The following EMCN variants were observed in gnomAD, a reference collection of about 807,000 sequenced individuals.
EMCN encodes the protein MUC-14.
EMCN carries 37 observed loss-of-function variants against 38.4 expected under a neutral mutation model. The observed-to-expected ratio is 0.96, with a 90% CI of 0.74 to 1.27. The LOEUF is 1.27. EMCN is among the 50% of genes most tolerant of loss of function. The pLI is 0.00. For synonymous variants in EMCN, 95 were observed against 100.8 expected, an observed-to-expected ratio of 0.94 and a Z score of 0.35; for missense variants, 318 against 302.8, an observed-to-expected ratio of 1.05 and a Z score of -0.37.
intron 10 of EMCN, among the ~76,000 whole-genome samples, chr4:100,411,758 G>T (rs1726567359): frequency 1.3e-5 from 2 of 152,072 alleles, no homozygotes; most frequent in Non-Finnish European, 2.9e-5. Flanking sequence ...ATATTATAAG[G>T]CAGTAATATA....
chr4:100,410,355 C>T lies in EMCN; in HGVS notation c.752G>A (p.Gly251Asp). 4 of 1,613,628 alleles carry T rather than the reference C, an allele frequency of 2.5e-6. No individual in the cohort carries two copies. The South Asian group carries it at 3.3e-5, about 13-fold the overall frequency. ...GGTTTTTCCTTGTGCAGAGTGCTCA[C>T]CTGAGAACAGAAGATATGTTTTGAT... Reference protein sequence around the residue: ...LTVKTISHESGEHSAQGKTKN With the variant: ...LTVKTISHESDEHSAQGKTKN The change falls in exon 11 of 12, where the codon GGT (glycine) becomes GAT (aspartate). Residue 251 changes from glycine (G) to aspartate (D), a missense_variant and splice_region_variant. Transcript: ENST00000296420.
At chr4:100,514,236 A>C (rs6847450) in intron 1 of EMCN, among the ~76,000 whole-genome samples, 3,205 of 152,098 alleles carry the variant, frequency 0.021, 100 homozygotes, top group African/African-American at 0.073. Flanking sequence ...TTTTCTCACT[A>C]AACCGTCTCC....
At chr4:100,511,124 C>T (rs1207910042) in intron 1 of EMCN, among the ~76,000 whole-genome samples, 1 of 152,148 alleles carries the variant, frequency 6.6e-6, no homozygotes, top group East Asian at 1.9e-4. Context: ...TATCCTTATT[C>T]TTTTTCAGAA....
intron 4 of EMCN, among the ~76,000 whole-genome samples, chr4:100,448,738 C>T (rs1393831877): frequency 6.6e-6 from 1 of 152,124 alleles, no homozygotes; most frequent in Non-Finnish European, 1.5e-5. Context: ...TCGTTGTACT[C>T]CACCTCGTGG....
At chr4:100,410,170 A>G in intron 11 of EMCN, 112 bp downstream of exon 11, 1 of 801,994 alleles carries the variant, frequency 1.2e-6, no homozygotes, top group East Asian at 2.5e-5. Context: ...TTGCATTGAC[A>G]CAAACCATTA....
rs1243063472 is a variant in EMCN, at chr4:100,473,381, T to TG, written c.259+1656_259+1657insC. 5.6e-3 allele frequency among the ~76,000 whole-genome samples: 697 copies of TG among 123,734 alleles called. 26 individuals carry two copies. Among genetic ancestry groups the TG allele is most frequent in the Middle Eastern group, 0.026 (6 of 230 alleles). 81.2% of individuals were successfully genotyped at this position (123,734 alleles called of 152,430 possible). On this transcript the variant is annotated intron_variant, in intron 3 of 11. Transcript: ENST00000296420. ...CCGTTTCGTGTTTTTTTGTTTTTTT[T>TG]TTTTGTTTTTTTTTTTGCTAATGAC...
intron 1 of EMCN, 76 bp from the exon 2 acceptor site, chr4:100,480,115 G>A (rs1326421907): frequency 1.6e-6 from 2 of 1,264,652 alleles, no homozygotes; most frequent in East Asian, 2.6e-5. Flanking sequence ...TTAAACAAGT[G>A]TACTGGTCAG....
At chr4:100,400,035 A>C (rs573552434) in intron 11 of EMCN, among the ~76,000 whole-genome samples, 1 of 152,190 alleles carries the variant, frequency 6.6e-6, no homozygotes, top group African/African-American at 2.4e-5. Flanking sequence ...GCAATCCTTC[A>C]TGATTTATCT....
At chr4:100,486,261 A>G (rs1728938552) in intron 1 of EMCN, among the ~76,000 whole-genome samples, 1 of 152,196 alleles carries the variant, frequency 6.6e-6, no homozygotes, top group Admixed American at 6.5e-5. Context: ...ACTGAACACA[A>G]CAGGGAAAGA....
intron 2 of EMCN, among the ~76,000 whole-genome samples, chr4:100,478,822 G>A (rs1728729663): frequency 6.6e-6 from 1 of 152,002 alleles, no homozygotes; most frequent in Admixed American, 6.6e-5. Context: ...ATATTAAATG[G>A]GTAATATAAA....
chr4:100,475,197 C>T, intron 2 of EMCN, 88 bp from the exon 3 acceptor site: 1 of 583,856 alleles, frequency 1.7e-6, no homozygotes. Flanking sequence ...TATAGGTGGA[C>T]TGGCATTCTC....
intron 1 of EMCN, among the ~76,000 whole-genome samples, chr4:100,513,278 T>G (rs1381212307): frequency 1.3e-5 from 2 of 152,164 alleles, no homozygotes; most frequent in Non-Finnish European, 1.5e-5. Context: ...ATTGGTTTAG[T>G]CTTCCTACAA....
rs1477974406 is a variant in EMCN, at chr4:100,402,935, C to A, written c.*40-4562G>T. Among the ~76,000 whole-genome samples, 3 of 152,038 alleles carry A rather than the reference C, an allele frequency of 2.0e-5. No homozygotes were observed. The South Asian group carries it at 6.2e-4, about 31-fold the overall frequency. ...CAGCCCTTTACTAGCCACTGGGTTGCAAAGCAACCATAGCAAGTAGAAAGG... is the reference window on the plus strand; with the variant it reads ...CAGCCCTTTACTAGCCACTGGGTTGAAAAGCAACCATAGCAAGTAGAAAGG... On this transcript the variant is annotated intron_variant, in intron 11 of 11. Coordinates refer to ENST00000296420, the MANE Select transcript of EMCN (RefSeq NM_016242.4).
At chr4:100,407,734 G>T (rs1317863533) in intron 11 of EMCN, among the ~76,000 whole-genome samples, 1 of 151,984 alleles carries the variant, frequency 6.6e-6, no homozygotes, top group East Asian at 1.9e-4. Context: ...TATCTTGCTG[G>T]GGTTCTCTGA....
At chr4:100,509,664 T>C (rs569052387) in intron 1 of EMCN, among the ~76,000 whole-genome samples, 4 of 152,296 alleles carry the variant, frequency 2.6e-5, no homozygotes, top group South Asian at 4.1e-4. Flanking sequence ...ATAAATTCAA[T>C]GTGTGATACA....
rs763462655 is a variant in EMCN at position 100,410,298 on chromosome 4, TG to T, written c.*22del. 4.7e-5 allele frequency: 76 copies of T among 1,610,472 alleles called. No homozygotes were observed. Among genetic ancestry groups the T allele is most frequent in the Middle Eastern group, 1.6e-4 (1 of 6,076 alleles). On this transcript the variant is annotated 3_prime_UTR_variant, in exon 11 of 12. Transcript: ENST00000296420. ...GAAACTTACGTAATTATTGCCTAGG[TG>T]TGGAGAGAATTCCTCAAGCTGTCAG... is the stretch of plus-strand genomic sequence containing the variant.
intron 5 of EMCN, among the ~76,000 whole-genome samples, chr4:100,445,496 A>G (rs1727644141): frequency 6.6e-6 from 1 of 152,192 alleles, no homozygotes; most frequent in Admixed American, 6.5e-5. Context: ...ACTGTGTGTG[A>G]TATATTCAAA....
chr4:100,473,985 T>A lies in EMCN; in HGVS notation c.259+1053A>T, dbSNP rs527986624. On this transcript the variant is annotated intron_variant, in intron 3 of 11. Coordinates refer to ENST00000296420, the MANE Select transcript of EMCN (RefSeq NM_016242.4). ...TTCCCAAAGCCAAACTTGCACCAAA[T>A]AAAGGTCATGGTCACTGTTTGGTGG... is the stretch of plus-strand genomic sequence containing the variant. The A allele has an allele frequency of 4.6e-5, 7 of 152,966 alleles. No individual in the cohort carries two copies. In the East Asian group the frequency reaches 1.2e-3, roughly 25 times the overall value. 9.5% of individuals were successfully genotyped at this position (152,966 alleles called of 1,614,324 possible).
At chr4:100,434,906 C>G (rs1478739485) in intron 5 of EMCN, among the ~76,000 whole-genome samples, 3 of 152,054 alleles carry the variant, frequency 2.0e-5, no homozygotes, top group African/African-American at 7.2e-5. Flanking sequence ...ATGACAAACC[C>G]ACAGCCAATA....
Sources: gnomAD v4.1 joint callset for allele counts (sites outside exome capture counted in the v4.1 genomes callset) on GRCh38, gnomAD v4.1.1 for gene constraint, MANE v1.5 for transcripts, NCBI Gene and HGNC (gene_info 2026-07-23, HGNC 2026-07-21) for gene names.